PTPRK: variants seen among roughly 807,000 people sequenced by gnomAD.
The protein encoded by PTPRK is protein tyrosine phosphatase receptor type K, also known as receptor-type tyrosine-protein phosphatase kappa.
A neutral mutation model predicts 178.0 loss-of-function variants in PTPRK; 75 were observed. The observed-to-expected ratio is 0.42, with a 90% confidence interval of 0.35 to 0.51. The LOEUF is 0.51. Among genes scored for constraint, PTPRK ranks in the 20% least tolerant of loss-of-function variants. PTPRK has a pLI of 0.02. For missense variants in PTPRK, 1,441 were observed against 1,797.8 expected (o/e 0.80, Z 3.59); for synonymous variants, 637 against 620.6 (o/e 1.03, Z -0.39).
intron 3 of PTPRK, among the ~76,000 whole-genome samples, chr6:128,307,973 A>C (rs1826682789): frequency 6.6e-6 from 1 of 152,192 alleles, no homozygotes; most frequent in Admixed American, 6.5e-5. Context: ...ATGAATGCTC[A>C]TAACAACATT....
Position 128,270,933 on chromosome 6 carries a change from C to T in PTPRK, c.496-28331G>A, listed in dbSNP as rs117245489. On this transcript the variant is annotated intron_variant, in intron 3 of 29. Transcript: ENST00000368226. The stretch of plus-strand genomic sequence containing the variant: ...TGCTGTATAAAAGGAGAGGGCAGAA[C>T]TGGATAGCTAAGGTCTTAAAAAAAA... Among the ~76,000 whole-genome samples, 86 of 151,994 alleles carry T rather than the reference C, an allele frequency of 5.7e-4. 1 individual carries two copies. In the East Asian group the frequency reaches 0.015, roughly 27 times the overall value.
chr6:128,520,581 G>A lies in PTPRK; in HGVS notation c.-223C>T, dbSNP rs1021967831. ...GCGGCGGCAGCTCTCCATGCTCGGC[G>A]GAGGCTGCTCCTGTTAGTCAAGAGT... is the stretch of plus-strand genomic sequence containing the variant. On this transcript the variant is annotated 5_prime_UTR_variant, in exon 1 of 30. Coordinates refer to ENST00000368226, the MANE Select transcript of PTPRK (RefSeq NM_002844.4). 1.1e-5 allele frequency: 6 copies of A among 546,074 alleles called. No homozygotes were observed. The highest frequency in any genetic ancestry group is 5.0e-4 in the Middle Eastern group (1 of 2,014). 33.8% of individuals were successfully genotyped at this position (546,074 alleles called of 1,614,324 possible).
At chr6:128,139,948 A>G (rs1191432954) in intron 7 of PTPRK, among the ~76,000 whole-genome samples, 5 of 152,050 alleles carry the variant, frequency 3.3e-5, no homozygotes, top group Non-Finnish European at 5.9e-5. Flanking sequence ...GACACCAGAA[A>G]GCAGGGTGCC....
intron 1 of PTPRK, among the ~76,000 whole-genome samples, chr6:128,474,495 G>A (rs998277810): frequency 1.7e-4 from 26 of 152,014 alleles, no homozygotes; most frequent in African/African-American, 6.3e-4. Flanking sequence ...TGAATAAATG[G>A]CAAGGAGTTG....
At chr6:128,093,753 CAT>C (rs1413572845) in intron 7 of PTPRK, among the ~76,000 whole-genome samples, 1 of 150,780 alleles carries the variant, frequency 6.6e-6, no homozygotes, top group Non-Finnish European at 1.5e-5. Context: ...TATAATGAAA[CAT>C]AAAGAAATTT....
At chr6:128,312,308 T>TG (rs1233616959) in intron 3 of PTPRK, among the ~76,000 whole-genome samples, 1 of 152,198 alleles carries the variant, frequency 6.6e-6, no homozygotes, top group Non-Finnish European at 1.5e-5. Context: ...TTAGGTGTTA[T>TG]GGCTGGCTTT....
chr6:128,283,279 G>A (rs1309408181), intron 3 of PTPRK, among the ~76,000 whole-genome samples: 1 of 152,126 alleles, frequency 6.6e-6, no homozygotes, highest in Non-Finnish European at 1.5e-5. Context: ...GAAACAAAAA[G>A]CAGAAGCTCT....
intron 6 of PTPRK, among the ~76,000 whole-genome samples, chr6:128,198,239 ACTT>A (rs1399752345): frequency 6.6e-6 from 1 of 152,164 alleles, no homozygotes; most frequent in Non-Finnish European, 1.5e-5. Context: ...CTGAAAGTAA[ACTT>A]CTGAGAAAGA....
At chr6:128,491,086 C>T (rs951934071) in intron 1 of PTPRK, among the ~76,000 whole-genome samples, 1 of 152,178 alleles carries the variant, frequency 6.6e-6, no homozygotes, top group Non-Finnish European at 1.5e-5. Context: ...ACAATAATAG[C>T]TACCTCACAT....
chr6:128,209,130 A>G (rs944319501), intron 6 of PTPRK, among the ~76,000 whole-genome samples: 2 of 151,982 alleles, frequency 1.3e-5, no homozygotes, highest in African/African-American at 4.8e-5. Flanking sequence ...TTAAAATTGT[A>G]AGAGCCCCCT....
chr6:128,140,054 A>G lies in PTPRK; in HGVS notation c.1162+44378T>C, dbSNP rs556901127. 2.6e-5 allele frequency among the ~76,000 whole-genome samples: 4 copies of G among 152,136 alleles called. No homozygotes were observed. In the South Asian group the frequency reaches 6.2e-4, roughly 24 times the overall value. ...GATGTTTTCCCATCTCCTGTATAAAATGCTATTGCACCCCTATCTTGCATC... is the reference window on the plus strand; with the variant it reads ...GATGTTTTCCCATCTCCTGTATAAAGTGCTATTGCACCCCTATCTTGCATC... On this transcript the variant is annotated intron_variant, in intron 7 of 29. Transcript: ENST00000368226.
intron 18 of PTPRK, among the ~76,000 whole-genome samples, chr6:127,994,495 T>A (rs1776929663): frequency 6.6e-6 from 1 of 151,812 alleles, no homozygotes. Flanking sequence ...ATGAGGTTAG[T>A]ACTGTTATTA....
At chr6:128,163,478 A>G (rs932841843) in intron 7 of PTPRK, among the ~76,000 whole-genome samples, 1 of 151,450 alleles carries the variant, frequency 6.6e-6, no homozygotes, top group African/African-American at 2.4e-5. Flanking sequence ...TTTCCCTTAT[A>G]ACTTTATGCA....
chr6:128,117,416 C>T (rs1048121092), intron 7 of PTPRK, among the ~76,000 whole-genome samples: 1 of 152,068 alleles, frequency 6.6e-6, no homozygotes, highest in Non-Finnish European at 1.5e-5. Context: ...AATGCTTCCG[C>T]AAGGAGTATA....
At chr6:128,307,410 C>T (rs746035571) in intron 3 of PTPRK, among the ~76,000 whole-genome samples, 32 of 149,550 alleles carry the variant, frequency 2.1e-4, no homozygotes, top group Middle Eastern at 3.5e-3. Flanking sequence ...TAAATAACCT[C>T]AGTGCTGGGA....
chr6:128,454,750 T>C (rs550328768), intron 1 of PTPRK, among the ~76,000 whole-genome samples: 3 of 141,730 alleles, frequency 2.1e-5, no homozygotes, highest in Non-Finnish European at 4.7e-5. Context: ...TGGTATCATT[T>C]ACCTTCTGTC....
At position 128,519,800 on chromosome 6, in the gene PTPRK, A is replaced by T. The variant is rs1858734458; in HGVS notation, c.100+459T>A. On this transcript the variant is annotated intron_variant, in intron 1 of 29. Coordinates refer to ENST00000368226, the MANE Select transcript of PTPRK (RefSeq NM_002844.4). This position sits in a 1 kb window ranked among gnomAD's most constrained non-coding sequence, Gnocchi z 4.3. ...AGGGGAGGTTATTCCCGGGACAAAA[A>T]GCACCTGGCAAAGCGCGCCGAGGTC... Among the ~76,000 whole-genome samples, 1 of 152,208 alleles carries T rather than the reference A, an allele frequency of 6.6e-6. No homozygotes were observed. The highest frequency in any genetic ancestry group is 1.5e-5 in the Non-Finnish European group (1 of 68,038).
intron 13 of PTPRK, among the ~76,000 whole-genome samples, chr6:128,021,590 A>T (rs1406054342): frequency 1.3e-5 from 2 of 152,204 alleles, no homozygotes; most frequent in Non-Finnish European, 2.9e-5. Context: ...CAGTGAGCGG[A>T]GATTGTGCCA....
Position 128,520,333 on chromosome 6 carries a change from A to G in PTPRK, c.26T>C (p.Leu9Pro), listed in dbSNP as rs1562691518. MDTTAAAA[L>P]PAFVALLLLS... The stretch of plus-strand genomic sequence containing the variant: ...GAGCAAGAGCGCCACAAAAGCAGGC[A>G]GCGCCGCCGCCGCAGTCGTATCCAT... Residue 9 changes from leucine (L) to proline (P), a missense_variant, in exon 1 of 30, where the codon CTG becomes CCG. Transcript: ENST00000368226. The G allele has an allele frequency of 6.2e-7, 1 of 1,609,214 alleles. No individual in the cohort carries two copies. Among genetic ancestry groups the G allele is most frequent in the Non-Finnish European group, 8.5e-7 (1 of 1,177,872 alleles).
Sources: allele counts gnomAD v4.1 joint callset (sites outside exome capture counted in the v4.1 genomes callset), GRCh38; gene constraint gnomAD v4.1.1; non-coding constraint Gnocchi (gnomAD v3.1); transcripts MANE v1.5; gene names NCBI Gene and HGNC (gene_info 2026-07-23, HGNC 2026-07-21).